The following TGM3 variants were observed in gnomAD, a reference collection of about 807,000 sequenced individuals.
TGM3 encodes the protein transglutaminase 3, also known as protein-glutamine gamma-glutamyltransferase E.
In TGM3, 52 loss-of-function variants were observed where a neutral mutation model predicts 73.8. The ratio of observed to expected loss-of-function variants is 0.70; its 90% confidence interval spans 0.56 to 0.89. TGM3 has a LOEUF of 0.89. Ranked by LOEUF, TGM3 falls within the 40% of genes least tolerant of loss-of-function variation. The pLI is 0.00. For missense variants in TGM3, 928 were observed against 909.9 expected, an observed-to-expected ratio of 1.02 and a Z score of -0.26; for synonymous variants, 372 against 354.9, an observed-to-expected ratio of 1.05 and a Z score of -0.54.
intron 9 of TGM3, among the ~76,000 whole-genome samples, chr20:2,330,538 G>GC (rs2084314640): frequency 6.6e-6 from 1 of 152,230 alleles, no homozygotes. Context: ...CAGGGAACTG[G>GC]CCCCCTCTCT....
At chr20:2,296,335 T>A (rs2084107086) in intron 1 of TGM3, among the ~76,000 whole-genome samples, 1 of 152,190 alleles carries the variant, frequency 6.6e-6, no homozygotes, top group Admixed American at 6.5e-5. Flanking sequence ...ACATCGCATC[T>A]CCTTAGGCAG....
chr20:2,310,056 CAGTG>C, intron 2 of TGM3, 118 bp from the exon 3 acceptor site: 1 of 1,463,248 alleles, frequency 6.8e-7, no homozygotes, highest in South Asian at 1.3e-5. Flanking sequence ...CAGTTACTTC[CAGTG>C]GTAGAATATG....
At chr20:2,306,665 C>T (rs900826660) in intron 1 of TGM3, among the ~76,000 whole-genome samples, 15 of 151,902 alleles carry the variant, frequency 9.9e-5, no homozygotes, top group African/African-American at 3.4e-4. Context: ...TTAGTAGAGA[C>T]GGGGTTTTGC....
rs373347908 is a variant in TGM3 at position 2,328,204 on chromosome 20, C to A, written c.1172C>A (p.Ala391Glu). 1.2e-6 allele frequency: 2 copies of A among 1,614,060 alleles called. No individual in the cohort carries two copies. Among genetic ancestry groups the A allele is most frequent in the Non-Finnish European group, 1.7e-6 (2 of 1,180,052 alleles). ...QLNFDMPFIF[A>E]EVNADRITWL... ...AACTTCGACATGCCCTTTATCTTCG[C>A]GGAGGTTAATGCCGACCGCATCACC... The change falls in exon 9 of 13, where the codon GCG becomes GAG. Residue 391 changes from alanine to glutamate, a missense_variant. Ala to Glu is a moderately radical substitution (Grantham distance 107). Coordinates refer to ENST00000381458, the MANE Select transcript of TGM3 (RefSeq NM_003245.4). This position sits in a 1 kb window ranked among gnomAD's most constrained non-coding sequence, Gnocchi z 5.2.
At chr20:2,326,098 C>T (rs1013548298) in intron 8 of TGM3, 146 bp downstream of exon 8, 6 of 820,194 alleles carry the variant, frequency 7.3e-6, no homozygotes, top group Non-Finnish European at 1.2e-5. Flanking sequence ...ATAGATCTCC[C>T]CTGCTAATTT....
At chr20:2,305,953 A>C (rs2084174615) in intron 1 of TGM3, among the ~76,000 whole-genome samples, 1 of 152,234 alleles carries the variant, frequency 6.6e-6, no homozygotes, top group Non-Finnish European at 1.5e-5. Context: ...CCACCACCAC[A>C]GTCACCCCAG....
chr20:2,307,676 C>T (rs1287792013), intron 1 of TGM3, among the ~76,000 whole-genome samples: 2 of 152,112 alleles, frequency 1.3e-5, no homozygotes, highest in African/African-American at 4.8e-5. Flanking sequence ...AGAGTTATAA[C>T]TACACTTCAT....
At chr20:2,327,614 A>G (rs1268256790) in intron 8 of TGM3, among the ~76,000 whole-genome samples, 2 of 152,208 alleles carry the variant, frequency 1.3e-5, no homozygotes, top group African/African-American at 4.8e-5. Flanking sequence ...AAAAGCTGAA[A>G]GTCACTGACA....
intron 1 of TGM3, among the ~76,000 whole-genome samples, chr20:2,305,981 G>C (rs1185226295): frequency 6.6e-6 from 1 of 152,176 alleles, no homozygotes; most frequent in Non-Finnish European, 1.5e-5. Context: ...CTAGTGTGGC[G>C]TGCAAAATAC....
chr20:2,340,027 A>AGGGGGGGGGGGGG, intron 12 of TGM3, 40 bp downstream of exon 12: 4 of 133,148 alleles, frequency 3.0e-5, no homozygotes, highest in Admixed American at 1.2e-4. Context: ...GGAGGGCGGG[A>AGGGGGGGGGGGGG]GGGGGCGGGG....
chr20:2,315,703 T>C (rs1211012180), intron 5 of TGM3, among the ~76,000 whole-genome samples: 1 of 152,208 alleles, frequency 6.6e-6, no homozygotes, highest in Non-Finnish European at 1.5e-5. Flanking sequence ...CCCTGACCCT[T>C]GACTACAAAA....
chr20:2,322,325 T>A (rs1222187616), intron 7 of TGM3, among the ~76,000 whole-genome samples: 1 of 152,172 alleles, frequency 6.6e-6, no homozygotes, highest in Non-Finnish European at 1.5e-5. Context: ...GATGATACAT[T>A]TTCCAAGGCA....
chr20:2,320,561 G>A (rs1345860586), intron 7 of TGM3, among the ~76,000 whole-genome samples: 1 of 152,200 alleles, frequency 6.6e-6, no homozygotes, highest in African/African-American at 2.4e-5. Context: ...GGGGACCTCA[G>A]TGACATTTTC....
Position 2,323,461 on chromosome 20 carries a change from T to C in TGM3, c.984-2388T>C, listed in dbSNP as rs1289018193. 2.0e-5 allele frequency among the ~76,000 whole-genome samples: 3 copies of C among 152,268 alleles called. No individual in the cohort carries two copies. The East Asian group carries it at 5.8e-4, about 29-fold the overall frequency. On this transcript the variant is annotated intron_variant, in intron 7 of 12. Coordinates refer to ENST00000381458, the MANE Select transcript of TGM3 (RefSeq NM_003245.4). ...ATTTATCTGCCAATTCCCTTATTGATGAACTTTTGCTCCAACATTTTTGCT... is the reference window on the plus strand; with the variant it reads ...ATTTATCTGCCAATTCCCTTATTGACGAACTTTTGCTCCAACATTTTTGCT...
Position 2,332,078 on chromosome 20 carries a change from T to C in TGM3, c.1410T>C (p.Ser470=), listed in dbSNP as rs764740360. ...LKPNTPFAAT[S]SMGLETEEQE... ...CCAACACGCCATTTGCCGCGACGTC[T>C]TCAATGGGTTTGGAAACAGAGGAAC... The change falls in exon 10 of 13, where the codon TCT becomes TCC. Residue 470 remains serine (S), a synonymous_variant. Transcript: ENST00000381458. The surrounding 1 kb of genome is among the most constrained non-coding windows in gnomAD (Gnocchi z 4.4). The C allele has an allele frequency of 6.2e-7, 1 of 1,614,174 alleles. No individual in the cohort carries two copies. Among genetic ancestry groups the C allele is most frequent in the Non-Finnish European group, 8.5e-7 (1 of 1,180,032 alleles).
chr20:2,331,897 A>G lies in TGM3; in HGVS notation c.1334-105A>G, dbSNP rs1426008753. 8 of 1,345,098 alleles carry G rather than the reference A, an allele frequency of 5.9e-6. No homozygotes were observed. In the South Asian group the frequency reaches 1.2e-4, roughly 19 times the overall value. The allele number at this position is 1,345,098 out of a possible 1,614,324, so 83.3% of individuals were successfully genotyped here. A position where few individuals can be genotyped will look rare whatever the true frequency, so the allele number is the denominator to read the frequency against. ...AAGTCGAATGCCTGCTAGGGCAGCA[A>G]TGGAGCCAGCACCAGTCCTAGGCCG... On this transcript the variant is annotated intron_variant, in intron 9 of 12. Coordinates refer to ENST00000381458, the MANE Select transcript of TGM3 (RefSeq NM_003245.4).
rs139994517 is a variant in TGM3 at position 2,316,959 on chromosome 20, CT to C, written c.670-106del. 9,744 of 1,309,106 alleles carry C rather than the reference CT, an allele frequency of 7.4e-3. 61 individuals carry two copies. The highest frequency in any genetic ancestry group is 0.034 in the Middle Eastern group (123 of 3,668). The allele number at this position is 1,309,106 out of a possible 1,614,324, so 81.1% of individuals were successfully genotyped here. Reference sequence around the variant, plus strand: ...AGACAAAGAAAAGTTCAATCATGGCCTTTGGCTTCCTTCCTCATCTCCCCAC... The same window carrying C: ...AGACAAAGAAAAGTTCAATCATGGCCTTGGCTTCCTTCCTCATCTCCCCAC... On this transcript the variant is annotated intron_variant, in intron 5 of 12. Coordinates refer to ENST00000381458, the MANE Select transcript of TGM3 (RefSeq NM_003245.4).
rs138643209 is a variant in TGM3, at chr20:2,328,149, A to G, written c.1117A>G (p.Ile373Val). The change falls in exon 9 of 13, where the codon ATT becomes GTT. Residue 373 changes from isoleucine to valine, a missense_variant. Ile to Val is a conservative substitution (Grantham distance 29, BLOSUM62 3). Coordinates refer to ENST00000381458, the MANE Select transcript of TGM3 (RefSeq NM_003245.4). The surrounding 1 kb of genome is among the most constrained non-coding windows in gnomAD (Gnocchi z 5.2). ...GTTCCAGTGCGGCCCCGCTTCGGTCATTGGTGTTCGAGAGGGTGATGTGCA... is the reference window on the plus strand; with the variant it reads ...GTTCCAGTGCGGCCCCGCTTCGGTCGTTGGTGTTCGAGAGGGTGATGTGCA... ...GVFQCGPASV[I>V]GVREGDVQLN... is the part of the protein sequence containing the mutation. 1.4e-5 allele frequency: 23 copies of G among 1,613,988 alleles called. No individual in the cohort carries two copies. The highest frequency in any genetic ancestry group is 1.9e-5 in the Non-Finnish European group (22 of 1,180,026).
intron 1 of TGM3, among the ~76,000 whole-genome samples, chr20:2,302,840 C>T (rs1256469616): frequency 3.9e-5 from 6 of 151,944 alleles, no homozygotes; most frequent in East Asian, 1.9e-4. Context: ...ATGAATGCAT[C>T]GACAAAACAT....
Sources: gnomAD v4.1 joint callset for allele counts (sites outside exome capture counted in the v4.1 genomes callset) on GRCh38, gnomAD v4.1.1 for gene constraint, Gnocchi (gnomAD v3.1) non-coding constraint, MANE v1.5 for transcripts, NCBI Gene and HGNC (gene_info 2026-07-23, HGNC 2026-07-21) for gene names.